The following HGSNAT variants were observed in gnomAD, a reference collection of about 807,000 sequenced individuals.
The protein encoded by HGSNAT is transmembrane protein 76.
In HGSNAT, 59 loss-of-function variants were observed where a neutral mutation model predicts 85.2. That is an observed-to-expected ratio of 0.69 (90% CI 0.56 to 0.86). The LOEUF is 0.86. Among genes scored for constraint, HGSNAT ranks in the 40% least tolerant of loss-of-function variants. The pLI, the probability that HGSNAT is intolerant of heterozygous loss-of-function variation, is 0.00. For missense variants in HGSNAT, 756 were observed against 777.1 expected, an observed-to-expected ratio of 0.97 and a Z score of 0.32; for synonymous variants, 321 against 304.5, an observed-to-expected ratio of 1.05 and a Z score of -0.56.
chr8:43,176,403 T>C (rs117260200), intron 9 of HGSNAT, among the ~76,000 whole-genome samples: 2,567 of 152,350 alleles, frequency 0.017, 32 homozygotes, highest in Non-Finnish European at 0.026. Context: ...TCCCACTATC[T>C]ATGTGTCTGT....
chr8:43,154,381 TCCC>T (rs1432919309), intron 2 of HGSNAT, among the ~76,000 whole-genome samples: 2 of 142,912 alleles, frequency 1.4e-5, no homozygotes, highest in African/African-American at 5.1e-5. Context: ...TGTGTGATGT[TCCC>T]CTTCCTGTGT....
At chr8:43,179,666 T>TC (rs1803973941) in intron 10 of HGSNAT, among the ~76,000 whole-genome samples, 2 of 3,438 alleles carry the variant, frequency 5.8e-4, no homozygotes, top group Non-Finnish European at 1.0e-3. Context: ...GGGGGGCTGA[T>TC]CCCCCCACCT....
chr8:43,174,862 C>G (rs1235291475), intron 9 of HGSNAT, among the ~76,000 whole-genome samples: 1 of 152,102 alleles, frequency 6.6e-6, no homozygotes, highest in East Asian at 1.9e-4. Context: ...TGATCTTATT[C>G]ATTCCATCCA....
intron 1 of HGSNAT, among the ~76,000 whole-genome samples, chr8:43,144,378 TGTTGGTCTCTGCATTG>T (rs922507441): frequency 2.6e-5 from 4 of 152,056 alleles, no homozygotes; most frequent in Non-Finnish European, 5.9e-5. Flanking sequence ...GAAGAGGCTC[TGTTGGTCTCTGCATTG>T]GTTGGATGTG....
intron 11 of HGSNAT, among the ~76,000 whole-genome samples, chr8:43,183,355 C>A (rs559174121): frequency 5.9e-5 from 9 of 151,794 alleles, no homozygotes; most frequent in Non-Finnish European, 1.3e-4. Flanking sequence ...ATTGTAGAGA[C>A]GAGGTTTCAC....
rs1373363345 is a variant in HGSNAT at position 43,158,679 on chromosome 8, G to A, written c.339G>A (p.Leu113=). The change falls in exon 3 of 18, where the codon CTG becomes CTA. Residue 113 remains leucine (L), a synonymous_variant. Coordinates refer to ENST00000379644, the MANE Select transcript of HGSNAT (RefSeq NM_152419.3). The part of the protein sequence containing the change: ...VSTQHGSILQ[L]NDTLEEKEVC... ...CCCAGCACGGATCTATCCTGCAGCT[G>A]AACGACACCTTGGAAGAGAAAGAAG... is the stretch of plus-strand genomic sequence containing the variant. The A allele has an allele frequency of 5.0e-6, 8 of 1,611,296 alleles. No homozygotes were observed. The African/African-American group carries it at 1.1e-4, about 22-fold the overall frequency.
At chr8:43,197,312 A>T (rs1043496343) in intron 15 of HGSNAT, 1 of 537,206 alleles carries the variant, frequency 1.9e-6, no homozygotes, top group Non-Finnish European at 3.3e-6. Context: ...TATCAGAGAG[A>T]CTGGGCAAAT....
chr8:43,195,784 G>C (rs1452971465), intron 14 of HGSNAT: 1 of 160,204 alleles, frequency 6.2e-6, no homozygotes, highest in Non-Finnish European at 1.4e-5. Flanking sequence ...AGGAGGAGGA[G>C]GGTGTGGAAG....
At chr8:43,175,801 A>G (rs1803791063) in intron 9 of HGSNAT, among the ~76,000 whole-genome samples, 1 of 151,982 alleles carries the variant, frequency 6.6e-6, no homozygotes, top group African/African-American at 2.4e-5. Context: ...TCCTGACCTC[A>G]GGTAATCTGC....
At chr8:43,170,220 G>A (rs566551879) in intron 6 of HGSNAT, among the ~76,000 whole-genome samples, 35 of 152,280 alleles carry the variant, frequency 2.3e-4, no homozygotes, top group African/African-American at 7.7e-4. Context: ...GGTGACTCAC[G>A]TCTGTAATCC....
intron 10 of HGSNAT, chr8:43,180,330 C>G (rs905444051): frequency 6.5e-6 from 1 of 154,894 alleles, no homozygotes; most frequent in African/African-American, 2.6e-5. Flanking sequence ...GGGCTCCTCA[C>G]TTCTCAGACG....
chr8:43,162,274 A>G (rs1803290565), intron 5 of HGSNAT, among the ~76,000 whole-genome samples: 1 of 151,938 alleles, frequency 6.6e-6, no homozygotes, highest in East Asian at 1.9e-4. Flanking sequence ...AGCTTGGGAA[A>G]CCCTGAAGCT....
At chr8:43,168,453 C>T (rs951198526) in intron 5 of HGSNAT, among the ~76,000 whole-genome samples, 14 of 114,132 alleles carry the variant, frequency 1.2e-4, no homozygotes, top group Middle Eastern at 0.011. Flanking sequence ...GTCCAGTGGG[C>T]GTGATCTCGG....
At chr8:43,147,459 T>A (rs1331096427) in intron 2 of HGSNAT, among the ~76,000 whole-genome samples, 1 of 152,182 alleles carries the variant, frequency 6.6e-6, no homozygotes, top group Non-Finnish European at 1.5e-5. Flanking sequence ...GCCTCCCTGA[T>A]GATAACAAAT....
intron 17 of HGSNAT, among the ~76,000 whole-genome samples, chr8:43,198,779 T>C (rs997311608): frequency 6.6e-6 from 1 of 152,240 alleles, no homozygotes; most frequent in African/African-American, 2.4e-5. Flanking sequence ...ATTCGAGGAA[T>C]AGTTACATTC....
At chr8:43,140,749 C>T (rs1415021829) in intron 1 of HGSNAT, 135 bp downstream of exon 1, 2 of 296,472 alleles carry the variant, frequency 6.7e-6, no homozygotes, top group Non-Finnish European at 5.6e-6. Context: ...TGGGCTGTTG[C>T]TGCGACTTCG....
chr8:43,168,384 C>T (rs1370573961), intron 5 of HGSNAT, among the ~76,000 whole-genome samples: 23 of 70,214 alleles, frequency 3.3e-4, no homozygotes, highest in Admixed American at 9.7e-4. Context: ...AATAGTTGAT[C>T]TTTTTTTTTT....
At chr8:43,169,787 AT>A (rs1279660494) in intron 6 of HGSNAT, among the ~76,000 whole-genome samples, 3 of 152,210 alleles carry the variant, frequency 2.0e-5, no homozygotes, top group Non-Finnish European at 4.4e-5. Flanking sequence ...TCTAGATGGG[AT>A]CTTTACAAAA....
intron 5 of HGSNAT, among the ~76,000 whole-genome samples, chr8:43,162,741 TG>T (rs1286378815): frequency 2.6e-5 from 4 of 151,834 alleles, no homozygotes; most frequent in African/African-American, 4.8e-5. Flanking sequence ...TTTTAATTTT[TG>T]TATTTTTAGT....
Sources: gnomAD v4.1 joint callset for allele counts (sites outside exome capture counted in the v4.1 genomes callset) on GRCh38, gnomAD v4.1.1 for gene constraint, MANE v1.5 for transcripts, NCBI Gene and HGNC (gene_info 2026-07-23, HGNC 2026-07-21) for gene names.